The following TMEM132B variants were observed in gnomAD, a reference collection of about 807,000 sequenced individuals.
The protein encoded by TMEM132B is transmembrane protein 132B.
TMEM132B carries 18 observed loss-of-function variants against 90.8 expected under a neutral mutation model. That is an observed-to-expected ratio of 0.20 (90% CI 0.14 to 0.29). The LOEUF (loss-of-function observed/expected upper bound fraction) is 0.29. Ranked by LOEUF, TMEM132B falls within the 10% of genes least tolerant of loss-of-function variation. The pLI, the probability that TMEM132B is intolerant of heterozygous loss-of-function variation, is 1.00. For missense variants in TMEM132B, 1,096 were observed against 1,326.8 expected (o/e 0.83, Z 2.70); for synonymous variants, 504 against 523.3 (o/e 0.96, Z 0.50).
intron 1 of TMEM132B, among the ~76,000 whole-genome samples, chr12:125,328,565 C>T (rs1368552060): frequency 6.6e-6 from 1 of 152,182 alleles, no homozygotes; most frequent in Non-Finnish European, 1.5e-5. Flanking sequence ...CCAGGCATTC[C>T]TTGGCTTGTG....
chr12:125,430,256 G>A (rs1880459663), intron 3 of TMEM132B, among the ~76,000 whole-genome samples: 1 of 152,210 alleles, frequency 6.6e-6, no homozygotes, highest in Non-Finnish European at 1.5e-5. Context: ...CTGTGGGGTT[G>A]TCGGGTGAGC....
At chr12:125,264,833 T>C (rs1456419853) in intron 1 of TMEM132B, among the ~76,000 whole-genome samples, 3 of 152,254 alleles carry the variant, frequency 2.0e-5, no homozygotes, top group Admixed American at 1.3e-4. Flanking sequence ...CAAACGCATG[T>C]GCATAGACAC....
At chr12:125,244,449 C>T (rs1199527552) in intron 1 of TMEM132B, among the ~76,000 whole-genome samples, 3 of 152,204 alleles carry the variant, frequency 2.0e-5, no homozygotes, top group East Asian at 1.9e-4. Context: ...TCTGCCAAAC[C>T]AGCTTCCGGC....
chr12:125,592,818 A>G (rs896034849), intron 5 of TMEM132B, among the ~76,000 whole-genome samples: 6 of 152,348 alleles, frequency 3.9e-5, no homozygotes, highest in African/African-American at 1.2e-4. Flanking sequence ...AGCAACATAC[A>G]TGACTATTCA....
intron 2 of TMEM132B, among the ~76,000 whole-genome samples, chr12:125,411,990 C>T (rs1879860322): frequency 6.6e-6 from 1 of 152,142 alleles, no homozygotes; most frequent in African/African-American, 2.4e-5. Context: ...GACCAGCAAG[C>T]ACTGTGTTTC....
intron 4 of TMEM132B, among the ~76,000 whole-genome samples, chr12:125,569,924 C>T (rs1447127490): frequency 6.6e-6 from 1 of 152,058 alleles, no homozygotes; most frequent in Non-Finnish European, 1.5e-5. Context: ...GTTCATTACT[C>T]ATATCTGGAC....
chr12:125,349,850 G>T lies in TMEM132B; in HGVS notation c.466G>T (p.Asp156Tyr), dbSNP rs764230525. The change falls in exon 2 of 9, where the codon GAC (aspartate) becomes TAC (tyrosine). Residue 156 changes from aspartate (D) to tyrosine (Y), a missense_variant. By Grantham distance (160) the Asp-to-Tyr change is radical. Transcript: ENST00000682704. This position sits in a 1 kb window ranked among gnomAD's most constrained non-coding sequence, Gnocchi z 4.1. ...CACTGGCATGGGCTGGGATGACAGT[G>T]ACCTTACGGAAGATCTACCCTGTGT... ...YVTGMGWDDS[D>Y]LTEDLPCVKM... The T allele has an allele frequency of 6.2e-7, 1 of 1,614,200 alleles. No homozygotes were observed. Among genetic ancestry groups the T allele is most frequent in the South Asian group, 1.1e-5 (1 of 91,082 alleles).
chr12:125,338,674 A>G (rs1056056296), intron 1 of TMEM132B, among the ~76,000 whole-genome samples: 17 of 152,156 alleles, frequency 1.1e-4, no homozygotes, highest in Non-Finnish European at 1.3e-4. Flanking sequence ...TTGGCAGCAC[A>G]TGTAGAATGT....
chr12:125,475,209 A>G (rs1464882707), intron 3 of TMEM132B, among the ~76,000 whole-genome samples: 1 of 152,204 alleles, frequency 6.6e-6, no homozygotes, highest in Non-Finnish European at 1.5e-5. Flanking sequence ...CTGACTCGCA[A>G]ACAATCAATG....
chr12:125,653,847 A>G lies in TMEM132B; in HGVS notation c.2389A>G (p.Ser797Gly), dbSNP rs2137056090. Residue 797 changes from serine to glycine, a missense_variant, in exon 9 of 9, where the codon AGT becomes GGT. Transcript: ENST00000682704. ...KGNVKVKFEP[S>G]SDEHQGGSND... ...AAATGTCAAGGTCAAATTCGAACCA[A>G]GTAGTGATGAGCACCAAGGAGGCAG... The G allele has an allele frequency of 6.2e-7, 1 of 1,614,218 alleles. No individual in the cohort carries two copies. The highest frequency in any genetic ancestry group is 1.7e-5 in the Admixed American group (1 of 60,024).
At chr12:125,217,305 A>G (rs1217606465) in intron 1 of TMEM132B, among the ~76,000 whole-genome samples, 5 of 151,802 alleles carry the variant, frequency 3.3e-5, no homozygotes, top group African/African-American at 1.2e-4. Context: ...TGGCTGGGTC[A>G]CTCACTCTCC....
chr12:125,531,014 A>G (rs1883631915), intron 4 of TMEM132B, among the ~76,000 whole-genome samples: 1 of 152,194 alleles, frequency 6.6e-6, no homozygotes, highest in Non-Finnish European at 1.5e-5. Flanking sequence ...TGCAGTGAGA[A>G]CTGGAGTTCC....
At chr12:125,238,170 T>C (rs955360964) in intron 1 of TMEM132B, among the ~76,000 whole-genome samples, 2 of 152,020 alleles carry the variant, frequency 1.3e-5, no homozygotes, top group African/African-American at 4.8e-5. Flanking sequence ...GGGACATTTC[T>C]GGGAGGTTAT....
intron 1 of TMEM132B, among the ~76,000 whole-genome samples, chr12:125,320,342 A>T (rs1049943569): frequency 6.6e-6 from 1 of 152,220 alleles, no homozygotes; most frequent in Non-Finnish European, 1.5e-5. Context: ...GTCCCAAGTG[A>T]TTCATTCTTA....
chr12:125,260,118 C>A (rs189398230), intron 1 of TMEM132B, among the ~76,000 whole-genome samples: 1 of 152,122 alleles, frequency 6.6e-6, no homozygotes. Flanking sequence ...AGAGAGAGAT[C>A]GAAGTGTATG....
intron 4 of TMEM132B, among the ~76,000 whole-genome samples, chr12:125,538,932 A>G (rs1883882915): frequency 6.6e-6 from 1 of 152,128 alleles, no homozygotes; most frequent in South Asian, 2.1e-4. Context: ...GTAATCTCCA[A>G]AATATACCCA....
Position 125,644,172 on chromosome 12 carries a change from C to T in TMEM132B, c.1534C>T (p.Gln512Ter), listed in dbSNP as rs1886700223. The change falls in exon 6 of 9, where the codon CAG becomes TAG. Residue 512 changes from glutamine to a stop codon, truncating the protein, a stop_gained. Coordinates refer to ENST00000682704, the MANE Select transcript of TMEM132B (RefSeq NM_001366854.1). LOFTEE classifies it high-confidence loss of function. ...CTTCACCCACCAGCACTTCACCTCCCAGTTCGAGGTCACTGTCTGGGCACC... is the reference window on the plus strand; with the variant it reads ...CTTCACCCACCAGCACTTCACCTCCTAGTTCGAGGTCACTGTCTGGGCACC... ...VNFTHQHFTS[Q>*]FEVTVWAPRL... is the part of the protein sequence containing the mutation. 1.2e-6 allele frequency: 2 copies of T among 1,614,080 alleles called. No individual in the cohort carries two copies. The highest frequency in any genetic ancestry group is 1.7e-5 in the Admixed American group (1 of 60,006).
At chr12:125,356,996 A>G (rs921709786) in intron 2 of TMEM132B, among the ~76,000 whole-genome samples, 2 of 152,240 alleles carry the variant, frequency 1.3e-5, no homozygotes, top group Non-Finnish European at 2.9e-5. Flanking sequence ...CCATAAGGGC[A>G]GGGACCTTTG....
At chr12:125,426,155 G>T (rs1176888066) in intron 3 of TMEM132B, among the ~76,000 whole-genome samples, 2 of 152,202 alleles carry the variant, frequency 1.3e-5, no homozygotes, top group Non-Finnish European at 2.9e-5. Context: ...TAGTTGTGTA[G>T]TGGTATCCTC....
Sources: gnomAD v4.1 joint callset for allele counts (sites outside exome capture counted in the v4.1 genomes callset) on GRCh38, gnomAD v4.1.1 for gene constraint, Gnocchi (gnomAD v3.1) non-coding constraint, MANE v1.5 for transcripts, NCBI Gene and HGNC (gene_info 2026-07-23, HGNC 2026-07-21) for gene names.